The following BMX variants were observed in gnomAD, a reference collection of about 807,000 sequenced individuals.
BMX encodes BMX non-receptor tyrosine kinase.
A neutral mutation model predicts 59.2 loss-of-function variants in BMX; 31 were observed. The ratio of observed to expected loss-of-function variants is 0.52; its 90% CI spans 0.39 to 0.71. The LOEUF (loss-of-function observed/expected upper bound fraction) is 0.71. Among genes scored for constraint, BMX ranks in the 30% least tolerant of loss-of-function variants. The pLI, the probability that BMX is intolerant of heterozygous loss-of-function variation, is 0.00. For missense variants in BMX, 474 were observed against 491.7 expected, an observed-to-expected ratio of 0.96 and a Z score of 0.34; for synonymous variants, 185 against 181.0, an observed-to-expected ratio of 1.02 and a Z score of -0.18.
At chrX:15,549,303 G>A (rs1926085781) in intron 17 of BMX, among the ~76,000 whole-genome samples, 1 of 112,133 alleles carries the variant, frequency 8.9e-6, no homozygotes, top group East Asian at 2.8e-4. Flanking sequence ...TGGCCCATAT[G>A]AGATTAGGAA....
At position 15,508,414 on chromosome X, in the gene BMX, A is replaced by G; in HGVS notation, c.61A>G (p.Met21Val). 1 of 1,183,948 alleles carries G rather than the reference A, an allele frequency of 8.4e-7. No individual in the cohort carries two copies. The highest frequency in any genetic ancestry group is 1.1e-6 in the Non-Finnish European group (1 of 876,168). Residue 21 changes from methionine (M) to valine (V), a missense_variant, in exon 2 of 19, where the codon ATG becomes GTG. By Grantham distance (21) the Met-to-Val change is conservative (BLOSUM62 1). Transcript: ENST00000348343. ...CAAAAGATCACAGCAAAAGAAGAAAATGTCACCAAATAATTACAAAGAACG... is the reference window on the plus strand; with the variant it reads ...CAAAAGATCACAGCAAAAGAAGAAAGTGTCACCAAATAATTACAAAGAACG... ...LLKRSQQKKK[M>V]SPNNYKERLF... is the part of the protein sequence containing the mutation.
At chrX:15,539,014 T>C (rs906188726) in intron 14 of BMX, among the ~76,000 whole-genome samples, 3 of 111,371 alleles carry the variant, frequency 2.7e-5, no homozygotes, top group African/African-American at 9.8e-5. Context: ...TCGTGATTTT[T>C]AAACAAGGAT....
chrX:15,553,641 GAAAC>G (rs941169672), intron 18 of BMX, among the ~76,000 whole-genome samples: 2 of 111,963 alleles, frequency 1.8e-5, no homozygotes, highest in African/African-American at 6.5e-5. Flanking sequence ...GCTTTTTAAA[GAAAC>G]AAACAAACAA....
intron 14 of BMX, among the ~76,000 whole-genome samples, chrX:15,540,720 A>G (rs780908618): frequency 5.4e-5 from 6 of 111,873 alleles, no homozygotes; most frequent in African/African-American, 1.6e-4. Context: ...CAAAAAGGCT[A>G]ATACCTCCAA....
chrX:15,530,103 A>C, intron 10 of BMX, 76 bp downstream of exon 10: 2 of 959,473 alleles, frequency 2.1e-6, no homozygotes, highest in Non-Finnish European at 2.9e-6. Flanking sequence ...TGCATTTCTC[A>C]TAGAAACCTT....
At position 15,538,374 on chromosome X, in the gene BMX, C is replaced by T. The variant is rs181126850; in HGVS notation, c.1394+1069C>T. 2.8e-3 allele frequency among the ~76,000 whole-genome samples: 307 copies of T among 111,559 alleles called. 2 individuals carry two copies. The highest frequency in any genetic ancestry group is 9.7e-3 in the African/African-American group (298 of 30,691). On this transcript the variant is annotated intron_variant, in intron 14 of 18. Coordinates refer to ENST00000348343, the MANE Select transcript of BMX (RefSeq NM_203281.3). The stretch of plus-strand genomic sequence containing the variant: ...AGGAAACCTCCCAGCCCCAGGCAAA[C>T]CAGGACAGTTGGTCACTCTACTTTT...
rs764192562 is a variant in BMX at position 15,525,082 on chromosome X, T to G, written c.753-206T>G. ...TTAACAATTTTCTTTTGTTTAGAAG[T>G]GTTGCCAGACTACTGCTTTTATTGG... is the stretch of plus-strand genomic sequence containing the variant. On this transcript the variant is annotated intron_variant, in intron 7 of 18. Coordinates refer to ENST00000348343, the MANE Select transcript of BMX (RefSeq NM_203281.3). Among the ~76,000 whole-genome samples the G allele has an allele frequency of 2.7e-5, 3 of 112,426 alleles. No homozygotes were observed. The South Asian group carries it at 1.1e-3, about 41-fold the overall frequency.
intron 10 of BMX, 46 bp from the exon 11 acceptor site, chrX:15,531,282 T>C: frequency 9.4e-7 from 1 of 1,065,220 alleles, no homozygotes; most frequent in Non-Finnish European, 1.3e-6. Flanking sequence ...TTTTCAAGAA[T>C]GATGAAAATA....
intron 6 of BMX, among the ~76,000 whole-genome samples, chrX:15,520,308 C>A (rs959424280): frequency 1.3e-4 from 14 of 111,609 alleles, no homozygotes; most frequent in Non-Finnish European, 2.1e-4. Context: ...CTCTAAAACA[C>A]CTAGGAGAAA....
At chrX:15,523,697 A>G (rs777963208) in intron 7 of BMX, among the ~76,000 whole-genome samples, 1 of 111,807 alleles carries the variant, frequency 8.9e-6, no homozygotes, top group East Asian at 2.8e-4. Flanking sequence ...ATTGTGTTCC[A>G]GGTCCCCTTC....
chrX:15,531,086 G>C (rs991657153), intron 10 of BMX, among the ~76,000 whole-genome samples: 3 of 110,793 alleles, frequency 2.7e-5, no homozygotes, highest in African/African-American at 9.9e-5. Flanking sequence ...CATTAGGCTT[G>C]CATAAGCACA....
At chrX:15,503,954 C>T (rs1569217217) in intron 1 of BMX, among the ~76,000 whole-genome samples, 2 of 111,646 alleles carry the variant, frequency 1.8e-5, no homozygotes, top group Admixed American at 1.9e-4. Flanking sequence ...TCTGGCCTAC[C>T]CCATAAGGTG....
chrX:15,522,705 T>G (rs1160269223), intron 7 of BMX, 118 bp downstream of exon 7: 1 of 1,042,762 alleles, frequency 9.6e-7, no homozygotes, highest in African/African-American at 1.9e-5. Flanking sequence ...TCAGAAAATG[T>G]TCAGTGCTTG....
Position 15,556,426 on chromosome X carries a change from A to G in BMX, c.*279A>G, listed in dbSNP as rs980331018. ...CAATATAGAGACTGTGTTCATGTGT[A>G]AAGACTGAGCAGAACTGAAAAATTA... is the stretch of plus-strand genomic sequence containing the variant. On this transcript the variant is annotated 3_prime_UTR_variant, in exon 19 of 19. Coordinates refer to ENST00000348343, the MANE Select transcript of BMX (RefSeq NM_203281.3). 10 of 212,487 alleles carry G rather than the reference A, an allele frequency of 4.7e-5. No homozygotes were observed. Among genetic ancestry groups the G allele is most frequent in the African/African-American group, 2.9e-4 (10 of 34,475 alleles). 17.5% of individuals were successfully genotyped at this position (212,487 alleles called of 1,213,427 possible). A position where few individuals can be genotyped will look rare whatever the true frequency, so the allele number is the denominator to read the frequency against.
intron 6 of BMX, 48 bp from the exon 7 acceptor site, chrX:15,522,298 T>G (rs774739506): frequency 1.7e-6 from 2 of 1,170,323 alleles, no homozygotes; most frequent in South Asian, 3.7e-5. Context: ...TCCCGGTACC[T>G]GAATCTGTGC....
intron 8 of BMX, 26 bp downstream of exon 8, chrX:15,525,391 C>T (rs369084306): frequency 5.9e-4 from 675 of 1,149,255 alleles, no homozygotes; most frequent in Non-Finnish European, 7.7e-4. Flanking sequence ...ATATCTCCTA[C>T]ATCCAGAATA....
At chrX:15,506,106 G>A (rs1923731340) in intron 1 of BMX, among the ~76,000 whole-genome samples, 1 of 110,228 alleles carries the variant, frequency 9.1e-6, no homozygotes, top group Non-Finnish European at 1.9e-5. Context: ...TTCCCAGGCT[G>A]GTCTCAAACT....
chrX:15,525,769 C>A (rs1446719080), intron 8 of BMX, among the ~76,000 whole-genome samples: 2 of 112,080 alleles, frequency 1.8e-5, no homozygotes. Flanking sequence ...TGGAAAAAGT[C>A]AAAGAAATAT....
chrX:15,538,663 A>G (rs1925498415), intron 14 of BMX, among the ~76,000 whole-genome samples: 1 of 112,017 alleles, frequency 8.9e-6, no homozygotes. Flanking sequence ...AATGTTGAAT[A>G]ACTTGTCCAG....
Sources: allele counts gnomAD v4.1 joint callset (sites outside exome capture counted in the v4.1 genomes callset), GRCh38; gene constraint gnomAD v4.1.1; transcripts MANE v1.5; gene names NCBI Gene and HGNC (gene_info 2026-07-23, HGNC 2026-07-21).